NELL1: variants seen among roughly 807,000 people sequenced by gnomAD.
The protein encoded by NELL1 is neural EGFL like 1.
NELL1 carries 76 observed loss-of-function variants against 107.4 expected under a neutral mutation model. That is an observed-to-expected ratio of 0.71 (90% CI 0.59 to 0.86). The LOEUF (loss-of-function observed/expected upper bound fraction) is 0.86. NELL1 is among the 40% of genes least tolerant of loss of function. The pLI, the probability that NELL1 is intolerant of heterozygous loss-of-function variation, is 0.00. For synonymous variants in NELL1, 353 were observed against 341.2 expected (o/e 1.03, Z -0.38); for missense variants, 1,024 against 1,005.5 (o/e 1.02, Z -0.25).
chr11:20,874,486 T>C (rs1011493060), intron 4 of NELL1, among the ~76,000 whole-genome samples: 3 of 152,236 alleles, frequency 2.0e-5, no homozygotes, highest in African/African-American at 7.2e-5. Flanking sequence ...GTCGAGTCAC[T>C]TCATCTCTGT....
intron 14 of NELL1, among the ~76,000 whole-genome samples, chr11:21,304,263 G>A (rs144388306): frequency 6.6e-6 from 1 of 152,054 alleles, no homozygotes; most frequent in African/African-American, 2.4e-5. Context: ...GTCTAAATGC[G>A]TCCTATGTAT....
chr11:21,430,388 A>T (rs1372997663), intron 15 of NELL1, among the ~76,000 whole-genome samples: 4 of 152,158 alleles, frequency 2.6e-5, no homozygotes, highest in Non-Finnish European at 4.4e-5. Context: ...AATAACAAGG[A>T]TCCTTTGAAA....
chr11:21,068,899 G>A (rs938494626), intron 12 of NELL1, among the ~76,000 whole-genome samples: 2 of 152,184 alleles, frequency 1.3e-5, no homozygotes, highest in African/African-American at 2.4e-5. Flanking sequence ...CGGGGCCTGG[G>A]GAGCCCCTAA....
chr11:20,930,476 C>T (rs1325520094), intron 9 of NELL1, among the ~76,000 whole-genome samples: 1 of 151,862 alleles, frequency 6.6e-6, no homozygotes, highest in Non-Finnish European at 1.5e-5. Context: ...TTAACCAGTC[C>T]CAAGTCATTG....
At chr11:21,048,274 C>T (rs1431462017) in intron 12 of NELL1, among the ~76,000 whole-genome samples, 1 of 152,030 alleles carries the variant, frequency 6.6e-6, no homozygotes, top group Non-Finnish European at 1.5e-5. Flanking sequence ...TTATTGTACA[C>T]TTTTTGATCT....
intron 12 of NELL1, among the ~76,000 whole-genome samples, chr11:21,068,690 C>T (rs1460686445): frequency 6.6e-6 from 1 of 152,170 alleles, no homozygotes; most frequent in Non-Finnish European, 1.5e-5. Flanking sequence ...ACCGATAATG[C>T]AGATTGTTTG....
intron 4 of NELL1, among the ~76,000 whole-genome samples, chr11:20,863,384 T>C (rs191352420): frequency 0.32 from 25,945 of 79,950 alleles, 8,622 homozygotes; most frequent in Non-Finnish European, 0.46. Flanking sequence ...ACCTCCCTCC[T>C]GGACGGGGTG....
intron 15 of NELL1, among the ~76,000 whole-genome samples, chr11:21,433,926 C>A (rs1022343222): frequency 6.6e-6 from 1 of 152,116 alleles, no homozygotes; most frequent in South Asian, 2.1e-4. Flanking sequence ...CTGCCCGCCT[C>A]GGCCTCCCAA....
intron 9 of NELL1, among the ~76,000 whole-genome samples, chr11:20,932,980 T>G (rs1406825376): frequency 6.6e-6 from 1 of 151,330 alleles, no homozygotes; most frequent in South Asian, 2.1e-4. Flanking sequence ...TGAAGAGGAG[T>G]TTTCCAAGTG....
chr11:21,010,146 AATATG>A (rs1265669590), intron 12 of NELL1, among the ~76,000 whole-genome samples: 14 of 152,122 alleles, frequency 9.2e-5, no homozygotes, highest in Middle Eastern at 3.4e-3. Flanking sequence ...TTCATGTATT[AATATG>A]ATATGTGTTA....
intron 2 of NELL1, among the ~76,000 whole-genome samples, chr11:20,705,526 A>G (rs1250722433): frequency 6.9e-6 from 1 of 144,982 alleles, no homozygotes; most frequent in Non-Finnish European, 1.5e-5. Flanking sequence ...AAGATGGATT[A>G]AAGACTTAAA....
intron 17 of NELL1, among the ~76,000 whole-genome samples, chr11:21,565,322 G>A (rs899178816): frequency 2.0e-5 from 3 of 151,860 alleles, no homozygotes; most frequent in Non-Finnish European, 4.4e-5. Flanking sequence ...TTTCCCCTGT[G>A]GTAGTGTTCA....
intron 13 of NELL1, among the ~76,000 whole-genome samples, chr11:21,149,233 A>G: frequency 6.6e-6 from 1 of 152,180 alleles, no homozygotes; most frequent in East Asian, 1.9e-4. Flanking sequence ...CTCTAACTGT[A>G]TCATGTAGGT....
intron 13 of NELL1, among the ~76,000 whole-genome samples, chr11:21,189,615 A>G (rs1421201318): frequency 6.6e-6 from 1 of 150,938 alleles, no homozygotes; most frequent in Non-Finnish European, 1.5e-5. Flanking sequence ...ATTTACTTGT[A>G]TCACCTTTCT....
intron 16 of NELL1, among the ~76,000 whole-genome samples, chr11:21,559,592 T>G (rs1856803281): frequency 6.6e-6 from 1 of 152,124 alleles, no homozygotes; most frequent in South Asian, 2.1e-4. Context: ...CTGCTGGCCA[T>G]AAGGATAGTA....
intron 16 of NELL1, among the ~76,000 whole-genome samples, chr11:21,557,886 T>G (rs1474236483): frequency 1.3e-5 from 2 of 152,006 alleles, no homozygotes; most frequent in Non-Finnish European, 2.9e-5. Flanking sequence ...TATAGTATTC[T>G]GTTATACTCA....
chr11:21,430,675 G>A (rs1189882842), intron 15 of NELL1, among the ~76,000 whole-genome samples: 1 of 152,062 alleles, frequency 6.6e-6, no homozygotes, highest in Non-Finnish European at 1.5e-5. Flanking sequence ...GATTCGCAGG[G>A]TGAGATGGAT....
intron 3 of NELL1, among the ~76,000 whole-genome samples, chr11:20,806,125 C>CTTTTTTTTTT (rs1278998372): frequency 1.5e-5 from 2 of 134,904 alleles, no homozygotes; most frequent in African/African-American, 2.7e-5. Flanking sequence ...TATTAATGTC[C>CTTTTTTTTTT]TTTTTTTTTT....
chr11:20,952,575 G>A (rs1851090335), intron 11 of NELL1, among the ~76,000 whole-genome samples: 1 of 152,178 alleles, frequency 6.6e-6, no homozygotes, highest in African/African-American at 2.4e-5. Context: ...AGAGGAACTG[G>A]CAGTTCACAG....
Sources: gnomAD v4.1 joint callset for allele counts (sites outside exome capture counted in the v4.1 genomes callset) on GRCh38, gnomAD v4.1.1 for gene constraint, MANE v1.5 for transcripts, NCBI Gene and HGNC (gene_info 2026-07-23, HGNC 2026-07-21) for gene names.